ABCA4: variants seen among roughly 807,000 people sequenced by gnomAD.
ABCA4 encodes the protein retinal-specific phospholipid-transporting ATPase ABCA4.
In ABCA4, 196 loss-of-function variants were observed where a neutral mutation model predicts 263.7. The observed-to-expected ratio is 0.74, with a 90% CI of 0.66 to 0.84. ABCA4 has a LOEUF of 0.84. Ranked by LOEUF, ABCA4 falls within the 40% of genes least tolerant of loss-of-function variation. The probability of loss-of-function intolerance (pLI) is 0.00; values close to 1 mark genes in which losing one functional copy is unlikely to be tolerated. For synonymous variants in ABCA4, 1,133 were observed against 1,094.2 expected (o/e 1.04, Z -0.70); for missense variants, 2,792 against 2,855.1 (o/e 0.98, Z 0.50).
At chr1:94,025,183 T>G in intron 30 of ABCA4, 135 bp from the exon 31 acceptor site, 1 of 753,540 alleles carries the variant, frequency 1.3e-6, no homozygotes, top group South Asian at 1.5e-5. Context: ...AGTACTGGCA[T>G]CTCCCTAGTT....
chr1:94,055,391 G>T, intron 15 of ABCA4, 76 bp from the exon 16 acceptor site: 1 of 1,470,350 alleles, frequency 6.8e-7, no homozygotes. Flanking sequence ...ATGCCCTCGA[G>T]GTAGAGGGGA....
chr1:94,066,866 G>A (rs1661281573), intron 11 of ABCA4, among the ~76,000 whole-genome samples: 1 of 152,226 alleles, frequency 6.6e-6, no homozygotes, highest in South Asian at 2.1e-4. Flanking sequence ...AATATGGCAG[G>A]CAGGAGCCAC....
chr1:94,001,519 C>G (rs539865666), intron 45 of ABCA4: 1 of 562,796 alleles, frequency 1.8e-6, no homozygotes, highest in South Asian at 1.6e-5. Context: ...AGCTCAGGAG[C>G]CTTTGACCCA....
rs1660166414 is a variant in ABCA4 at position 94,030,417 on chromosome 1, T to C, written c.4352+11A>G. The C allele has an allele frequency of 3.7e-6, 6 of 1,613,744 alleles. No homozygotes were observed. Among genetic ancestry groups the C allele is most frequent in the Non-Finnish European group, 5.1e-6 (6 of 1,179,782 alleles). On this transcript the variant is annotated intron_variant, in intron 29 of 49. Coordinates refer to ENST00000370225, the MANE Select transcript of ABCA4 (RefSeq NM_000350.3). ...CTAGTCTTCTTAGGACAGGGGCGCG[T>C]AGGCACTTACGGAAGCCACCCTTCC...
Position 94,062,663 on chromosome 1 carries a change from C to T in ABCA4, c.1851G>A (p.Gln617=). 1 of 1,614,174 alleles carries T rather than the reference C, an allele frequency of 6.2e-7. No homozygotes were observed. Among genetic ancestry groups the T allele is most frequent in the Non-Finnish European group, 8.5e-7 (1 of 1,180,040 alleles). ...GFAYLQDMVE[Q]GITRSQVQAE... The stretch of plus-strand genomic sequence containing the variant: ...CCTGCACCTGGCTCCTTGTGATCCC[C>T]TGTTCAACCATGTCCTGCAGATAGG... The change falls in exon 13 of 50, where the codon CAG becomes CAA. Residue 617 remains glutamine (Q), a synonymous_variant. Transcript: ENST00000370225.
chr1:94,108,976 G>A (rs1662521731), intron 3 of ABCA4, among the ~76,000 whole-genome samples: 1 of 152,004 alleles, frequency 6.6e-6, no homozygotes, highest in Non-Finnish European at 1.5e-5. Flanking sequence ...GCTTCATCGT[G>A]TTAGCCAGGA....
chr1:94,007,134 C>T (rs1353562722), intron 43 of ABCA4, among the ~76,000 whole-genome samples: 1 of 152,188 alleles, frequency 6.6e-6, no homozygotes, highest in African/African-American at 2.4e-5. Context: ...CATGCATGAG[C>T]CCCTATCTAG....
At chr1:94,066,713 C>T (rs2101084250) in intron 11 of ABCA4, among the ~76,000 whole-genome samples, 1 of 152,334 alleles carries the variant, frequency 6.6e-6, no homozygotes, top group African/African-American at 2.4e-5. Context: ...CCATGGTTCC[C>T]CTATCCTTGC....
intron 36 of ABCA4, among the ~76,000 whole-genome samples, chr1:94,016,505 G>A (rs1001275100): frequency 1.3e-5 from 2 of 152,168 alleles, no homozygotes; most frequent in Non-Finnish European, 2.9e-5. Flanking sequence ...GGGAGAGGAC[G>A]GCATCCACAT....
At position 94,111,645 on chromosome 1, in the gene ABCA4, G is replaced by A. The variant is rs1662608283; in HGVS notation, c.161-66C>T. The A allele has an allele frequency of 5.0e-6, 8 of 1,599,968 alleles. No homozygotes were observed. In the Admixed American group the frequency reaches 1.3e-4, roughly 27 times the overall value. ...GAGACCAAGCAGGATGCAGACCTAG[G>A]AGTTGGCCTTTTTGGGAAGGGGCCC... On this transcript the variant is annotated intron_variant, in intron 2 of 49. Coordinates refer to ENST00000370225, the MANE Select transcript of ABCA4 (RefSeq NM_000350.3).
At chr1:94,009,251 A>T (rs1659481949) in intron 40 of ABCA4, among the ~76,000 whole-genome samples, 1 of 152,144 alleles carries the variant, frequency 6.6e-6, no homozygotes, top group Admixed American at 6.5e-5. Flanking sequence ...GCCTGGGATC[A>T]CCGTCAGGAC....
rs188641791 is a variant in ABCA4, at chr1:94,018,210, C to T, written c.5196+1372G>A. Among the ~76,000 whole-genome samples the T allele has an allele frequency of 1.3e-3, 197 of 152,156 alleles. 1 individual carries two copies. Among genetic ancestry groups the T allele is most frequent in the African/African-American group, 4.5e-3 (185 of 41,556 alleles). On this transcript the variant is annotated intron_variant, in intron 36 of 49. Coordinates refer to ENST00000370225, the MANE Select transcript of ABCA4 (RefSeq NM_000350.3). Reference sequence around the variant, plus strand: ...GCACACGCGCGTGCGTGCACACATACACACACACAGAAACACGTGGGCCAG... The same window carrying T: ...GCACACGCGCGTGCGTGCACACATATACACACACAGAAACACGTGGGCCAG...
chr1:93,998,776 T>C (rs1369763004), intron 47 of ABCA4, among the ~76,000 whole-genome samples: 8 of 149,880 alleles, frequency 5.3e-5, no homozygotes, highest in Admixed American at 5.3e-4. Flanking sequence ...AGTCTCACCG[T>C]TGCCCAGGCT....
At chr1:94,042,114 A>G (rs1000726409) in intron 22 of ABCA4, among the ~76,000 whole-genome samples, 21 of 151,666 alleles carry the variant, frequency 1.4e-4, no homozygotes, top group African/African-American at 4.8e-4. Flanking sequence ...AAAAAAAAAA[A>G]AAAAAAGAAA....
chr1:94,061,461 A>G (rs1661127405), intron 13 of ABCA4: 1 of 154,360 alleles, frequency 6.5e-6, no homozygotes, highest in Non-Finnish European at 1.4e-5. Flanking sequence ...TTCATGTGCT[A>G]GTAAAGCCCT....
intron 25 of ABCA4, 147 bp from the exon 26 acceptor site, chr1:94,036,935 AC>A: frequency 2.1e-6 from 2 of 954,558 alleles, no homozygotes; most frequent in East Asian, 5.1e-5. Context: ...TTCTATAAAT[AC>A]AAAAACGTAA....
At chr1:94,093,858 A>G (rs1163271555) in intron 6 of ABCA4, among the ~76,000 whole-genome samples, 3 of 152,224 alleles carry the variant, frequency 2.0e-5, no homozygotes, top group Admixed American at 2.0e-4. Context: ...ATTTTTGTAG[A>G]TGCAGGCAGA....
chr1:94,113,218 C>T (rs752489407), intron 1 of ABCA4, 152 bp from the exon 2 acceptor site: 1 of 742,978 alleles, frequency 1.3e-6, no homozygotes, highest in Non-Finnish European at 2.4e-6. Context: ...TTCCTTTACC[C>T]CCTCCCCACC....
intron 6 of ABCA4, among the ~76,000 whole-genome samples, chr1:94,095,033 C>T (rs1464395209): frequency 6.6e-6 from 1 of 152,200 alleles, no homozygotes; most frequent in Non-Finnish European, 1.5e-5. Context: ...GGAGAAAATC[C>T]AGTCATTTGG....
Sources: allele counts gnomAD v4.1 joint callset (sites outside exome capture counted in the v4.1 genomes callset), GRCh38; gene constraint gnomAD v4.1.1; transcripts MANE v1.5; gene names NCBI Gene and HGNC (gene_info 2026-07-23, HGNC 2026-07-21).